The following VRK2 variants were observed in gnomAD, a reference collection of about 807,000 sequenced individuals.
VRK2 encodes VRK serine/threonine kinase 2, also known as serine/threonine-protein kinase VRK2.
Under a neutral mutation model 57.6 loss-of-function variants are expected in VRK2, and 60 were observed. The ratio of observed to expected loss-of-function variants is 1.04; its 90% confidence interval spans 0.85 to 1.29. The LOEUF is 1.29. VRK2 is among the 50% of genes most tolerant of loss of function. VRK2 has a pLI of 0.00. For missense variants in VRK2, 705 were observed against 588.1 expected (o/e 1.20, Z -2.06); for synonymous variants, 231 against 199.2 (o/e 1.16, Z -1.35).
At chr2:58,092,478 C>CA (rs1331544683) in intron 7 of VRK2, among the ~76,000 whole-genome samples, 2 of 152,148 alleles carry the variant, frequency 1.3e-5, no homozygotes, top group Non-Finnish European at 1.5e-5. Context: ...ATAAGCTAAG[C>CA]ATTCACATAC....
At chr2:57,926,997 CTTGTGTGT>C (rs1558496935) in intron 1 of VRK2, among the ~76,000 whole-genome samples, 5 of 130,240 alleles carry the variant, frequency 3.8e-5, no homozygotes, top group African/African-American at 8.1e-5. Context: ...GTTTTAATTT[CTTGTGTGT>C]GTGTGTGTGT....
chr2:57,988,648 A>C (rs1300342205), intron 1 of VRK2, among the ~76,000 whole-genome samples: 1 of 152,218 alleles, frequency 6.6e-6, no homozygotes, highest in African/African-American at 2.4e-5. Flanking sequence ...CTAAGGCATT[A>C]GAGTTCCTGG....
At chr2:57,961,184 T>C (rs1174165755) in intron 1 of VRK2, among the ~76,000 whole-genome samples, 2 of 152,242 alleles carry the variant, frequency 1.3e-5, no homozygotes, top group African/African-American at 2.4e-5. Flanking sequence ...TGGATTTCTA[T>C]CATTATCATT....
intron 1 of VRK2, among the ~76,000 whole-genome samples, chr2:57,998,789 G>C (rs1320168587): frequency 2.0e-5 from 3 of 152,116 alleles, no homozygotes; most frequent in Non-Finnish European, 4.4e-5. Flanking sequence ...AGTACAATTA[G>C]TCACAGATAC....
At chr2:57,973,261 G>A (rs1392164915) in intron 1 of VRK2, among the ~76,000 whole-genome samples, 2 of 151,676 alleles carry the variant, frequency 1.3e-5, no homozygotes, top group South Asian at 2.1e-4. Context: ...TTTCTCTTAC[G>A]GATAAATTTG....
In VRK2 at chr2:58,048,892, C is replaced by G. The variant is rs138787216; in HGVS notation, c.61C>G (p.Leu21Val). 6.2e-7 allele frequency: 1 copy of G among 1,613,926 alleles called. No homozygotes were observed. ...TATTCCATTTCCAGAAGGCAAGGTT[C>G]TGGATGATATGGAAGGCAATCAGTG... is the stretch of plus-strand genomic sequence containing the variant. ...LPIPFPEGKV[L>V]DDMEGNQWVL... Residue 21 changes from leucine to valine, a missense_variant, in exon 2 of 13, where the codon CTG (leucine) becomes GTG (valine). Physicochemically the swap from Leu to Val is conservative, Grantham distance 32 (BLOSUM62 1). Transcript: ENST00000340157.
At chr2:58,083,376 G>A (rs1471753434) in intron 2 of VRK2, among the ~76,000 whole-genome samples, 1 of 151,768 alleles carries the variant, frequency 6.6e-6, no homozygotes, top group Admixed American at 6.6e-5. Flanking sequence ...AGGTAATGTA[G>A]AGGAAAAGAT....
At chr2:58,046,618 C>T, upstream of VRK2, 14 of 985,616 alleles carry the variant, frequency 1.4e-5, no homozygotes, top group Non-Finnish European at 1.7e-5. Context: ...CGCGCCCTCT[C>T]CTTCCCCTGG....
chr2:58,021,840 T>C (rs946947859), intron 1 of VRK2, among the ~76,000 whole-genome samples: 1 of 152,192 alleles, frequency 6.6e-6, no homozygotes, highest in Non-Finnish European at 1.5e-5. Context: ...CTGGAAAATA[T>C]GATTGAAAGA....
chr2:57,986,520 T>A (rs1290930603), intron 1 of VRK2, among the ~76,000 whole-genome samples: 1 of 151,542 alleles, frequency 6.6e-6, no homozygotes, highest in Non-Finnish European at 1.5e-5. Context: ...ATATCAAGAC[T>A]ATAAAGCCAC....
Position 58,135,155 on chromosome 2 carries a change from T to TC in VRK2, c.817dup (p.Gln273ProfsTer5). On this transcript the variant is annotated frameshift_variant, in exon 10 of 13. Coordinates refer to ENST00000340157, the MANE Select transcript of VRK2 (RefSeq NM_006296.7). LOFTEE classifies it high-confidence loss of function. ...TTTTGTTTTAGTCTGTTGGACGAGC[T>TC]CCCCCAGTCAGTGCTTAAATGGGCT... The TC allele has an allele frequency of 1.2e-6, 2 of 1,614,126 alleles. No homozygotes were observed. Among genetic ancestry groups the TC allele is most frequent in the Non-Finnish European group, 1.7e-6 (2 of 1,180,012 alleles).
chr2:58,041,001 A>C, intron 3 of VRK2: 1 of 981,702 alleles, frequency 1.0e-6, no homozygotes, highest in South Asian at 4.7e-5. Flanking sequence ...TCTGCTTAAA[A>C]ATCATTCGGC....
At chr2:57,986,755 C>T (rs986954951) in intron 1 of VRK2, among the ~76,000 whole-genome samples, 1 of 152,016 alleles carries the variant, frequency 6.6e-6, no homozygotes, top group Non-Finnish European at 1.5e-5. Context: ...CGCACCACCA[C>T]ACCCAGCTAA....
intron 2 of VRK2, chr2:58,058,409 C>T (rs1379557120): frequency 4.3e-6 from 2 of 470,524 alleles, no homozygotes; most frequent in South Asian, 3.1e-5. Context: ...CAGCTTCCCG[C>T]AAATTTATTT....
chr2:58,010,543 T>C (rs1362204848), intron 1 of VRK2, among the ~76,000 whole-genome samples: 2 of 152,238 alleles, frequency 1.3e-5, no homozygotes, highest in South Asian at 2.1e-4. Context: ...TTGGTTAATT[T>C]TGCTCACCCC....
chr2:57,943,273 T>G (rs116100804), intron 1 of VRK2, among the ~76,000 whole-genome samples: 2,457 of 152,234 alleles, frequency 0.016, 66 homozygotes, highest in African/African-American at 0.056. Context: ...AGAAGAAAAA[T>G]TTCAAGCAAA....
chr2:57,976,427 C>T (rs1254297433), intron 1 of VRK2, among the ~76,000 whole-genome samples: 1 of 152,118 alleles, frequency 6.6e-6, no homozygotes, highest in Non-Finnish European at 1.5e-5. Flanking sequence ...ATCTGAATGT[C>T]TGTTATTTCC....
chr2:57,913,436 A>G (rs1050619590), intron 1 of VRK2, among the ~76,000 whole-genome samples: 2 of 152,122 alleles, frequency 1.3e-5, no homozygotes, highest in Non-Finnish European at 2.9e-5. Context: ...AATTTTTTTT[A>G]TTTGATAGGA....
intron 7 of VRK2, among the ~76,000 whole-genome samples, chr2:58,102,226 G>A (rs1674072052): frequency 6.6e-6 from 1 of 151,500 alleles, no homozygotes; most frequent in African/African-American, 2.4e-5. Context: ...AAAGCATCAT[G>A]AGGAAAAAGC....
Sources: gnomAD v4.1 joint callset for allele counts (sites outside exome capture counted in the v4.1 genomes callset) on GRCh38, gnomAD v4.1.1 for gene constraint, MANE v1.5 for transcripts, NCBI Gene and HGNC (gene_info 2026-07-23, HGNC 2026-07-21) for gene names.